The following HEATR5B variants were observed in gnomAD, a reference collection of about 807,000 sequenced individuals.
HEATR5B encodes HEAT repeat containing 5B.
A neutral mutation model predicts 224.1 loss-of-function variants in HEATR5B; 156 were observed. That is an observed-to-expected ratio of 0.70 (90% CI 0.61 to 0.80). The LOEUF (loss-of-function observed/expected upper bound fraction) is 0.80. HEATR5B is among the 30% of genes least tolerant of loss of function. The pLI is 0.00. For missense variants in HEATR5B, 2,323 were observed against 2,535.5 expected (o/e 0.92, Z 1.80); for synonymous variants, 1,027 against 893.0 (o/e 1.15, Z -2.68).
chr2:37,082,826 C>T (rs980464961), intron 2 of HEATR5B, among the ~76,000 whole-genome samples: 10 of 152,076 alleles, frequency 6.6e-5, no homozygotes, highest in African/African-American at 2.4e-4. Context: ...CTCTATATTT[C>T]TGTGTGTGTC....
At chr2:36,982,025 TAAA>T (rs3832130) in intron 35 of HEATR5B, among the ~76,000 whole-genome samples, 3 of 144,076 alleles carry the variant, frequency 2.1e-5, no homozygotes. Context: ...TTGCTTTACT[TAAA>T]AAAAAAAAAG....
chr2:37,039,032 G>A (rs955114140), intron 20 of HEATR5B, among the ~76,000 whole-genome samples: 7 of 151,920 alleles, frequency 4.6e-5, no homozygotes, highest in East Asian at 1.9e-4. Context: ...TAAGAATGCC[G>A]GTAACGGGCT....
At chr2:37,059,764 C>T (rs972719149) in intron 12 of HEATR5B, among the ~76,000 whole-genome samples, 3 of 151,902 alleles carry the variant, frequency 2.0e-5, no homozygotes, top group Non-Finnish European at 2.9e-5. Flanking sequence ...CCGGCCACTA[C>T]ATATATTTTT....
intron 27 of HEATR5B, among the ~76,000 whole-genome samples, chr2:37,012,451 C>T (rs1227833889): frequency 1.3e-5 from 2 of 151,942 alleles, no homozygotes; most frequent in South Asian, 2.1e-4. Context: ...AGTGCAATGG[C>T]GTGATCTTGG....
intron 17 of HEATR5B, among the ~76,000 whole-genome samples, chr2:37,052,996 G>A (rs1194604870): frequency 6.6e-6 from 1 of 152,196 alleles, no homozygotes; most frequent in Non-Finnish European, 1.5e-5. Context: ...AGATAAGGAA[G>A]GGACTACTGT....
In HEATR5B at chr2:37,002,290, C is replaced by T; in HGVS notation, c.5317+16G>A. On this transcript the variant is annotated intron_variant, in intron 32 of 35. Coordinates refer to ENST00000233099, the MANE Select transcript of HEATR5B (RefSeq NM_019024.3). ...CTGTAATATAATGCATTTCCAAATA[C>T]TGATCAATACCGTACCAGCGGGTGA... 1 of 1,613,852 alleles carries T rather than the reference C, an allele frequency of 6.2e-7. No individual in the cohort carries two copies. The highest frequency in any genetic ancestry group is 8.5e-7 in the Non-Finnish European group (1 of 1,179,742).
At chr2:37,051,961 A>T (rs190627609) in intron 17 of HEATR5B, among the ~76,000 whole-genome samples, 2 of 151,976 alleles carry the variant, frequency 1.3e-5, no homozygotes, top group Non-Finnish European at 2.9e-5. Context: ...GCTGGTCTCA[A>T]ACTCCTGACC....
chr2:37,072,082 G>T, intron 6 of HEATR5B, 28 bp downstream of exon 6: 1 of 1,584,418 alleles, frequency 6.3e-7, no homozygotes, highest in Non-Finnish European at 8.6e-7. Context: ...GGTCTGTTAT[G>T]GTCTAAATCA....
At chr2:36,995,949 G>C (rs1461974317) in intron 33 of HEATR5B, among the ~76,000 whole-genome samples, 4 of 152,060 alleles carry the variant, frequency 2.6e-5, no homozygotes, top group Non-Finnish European at 5.9e-5. Flanking sequence ...GCAGTGGTGC[G>C]ATCTGGGCTC....
At chr2:37,049,258 GA>G (rs918845616) in intron 18 of HEATR5B, among the ~76,000 whole-genome samples, 15 of 152,158 alleles carry the variant, frequency 9.9e-5, no homozygotes, top group Admixed American at 9.8e-4. Flanking sequence ...GCAGCAGTTA[GA>G]AAAAGAATGG....
chr2:37,077,551 G>A (rs1042913237), intron 3 of HEATR5B, among the ~76,000 whole-genome samples: 7 of 152,124 alleles, frequency 4.6e-5, no homozygotes, highest in Non-Finnish European at 8.8e-5. Flanking sequence ...CAGGTGATCC[G>A]CCTGCCTCGG....
At chr2:37,065,191 A>G (rs1339870035) in intron 9 of HEATR5B, among the ~76,000 whole-genome samples, 1 of 152,212 alleles carries the variant, frequency 6.6e-6, no homozygotes, top group East Asian at 1.9e-4. Context: ...ATTATATTCA[A>G]TATTGATGTA....
In HEATR5B at chr2:37,020,685, A is replaced by G. The variant is rs745844508; in HGVS notation, c.4005T>C (p.Gly1335=). 6.3e-7 allele frequency: 1 copy of G among 1,591,112 alleles called. No individual in the cohort carries two copies. The highest frequency in any genetic ancestry group is 8.5e-7 in the Non-Finnish European group (1 of 1,174,486). ...CCTGATACTGCTCCAGTATCACATG[A>G]CCTGGAAATTCTGGCTCAGGCACAG... is the stretch of plus-strand genomic sequence containing the variant. ...FASVPEPEFP[G]HVILEQYQAN... is the part of the protein sequence containing the mutation. Residue 1335 remains glycine (G), a synonymous_variant, in exon 25 of 36, where the codon GGT becomes GGC. Transcript: ENST00000233099.
At chr2:37,016,679 T>C (rs1668138250) in intron 26 of HEATR5B, among the ~76,000 whole-genome samples, 1 of 152,204 alleles carries the variant, frequency 6.6e-6, no homozygotes, top group African/African-American at 2.4e-5. Context: ...TGCTGCCAAA[T>C]AAATGATTAA....
At chr2:36,993,458 A>ACTC (rs1666472453) in intron 33 of HEATR5B, among the ~76,000 whole-genome samples, 1 of 151,872 alleles carries the variant, frequency 6.6e-6, no homozygotes, top group Admixed American at 6.6e-5. Context: ...AATTGCTTGA[A>ACTC]CATAGGAGGT....
intron 28 of HEATR5B, 45 bp downstream of exon 28, chr2:37,008,566 C>T: frequency 7.6e-7 from 1 of 1,313,782 alleles, no homozygotes. Context: ...TGTTTAACTA[C>T]TACTTTGAAC....
intron 24 of HEATR5B, among the ~76,000 whole-genome samples, chr2:37,026,485 G>T (rs1014483650): frequency 6.6e-6 from 1 of 152,052 alleles, no homozygotes; most frequent in African/African-American, 2.4e-5. Context: ...CTTCTGTGAC[G>T]TCTTCCCTGG....
intron 26 of HEATR5B, among the ~76,000 whole-genome samples, chr2:37,016,545 T>A (rs552437434): frequency 8.9e-4 from 135 of 152,262 alleles, no homozygotes; most frequent in African/African-American, 3.2e-3. Context: ...CAGCACCCCA[T>A]AATTAACACA....
chr2:37,016,864 C>T (rs1410804781), intron 26 of HEATR5B, among the ~76,000 whole-genome samples: 2 of 151,778 alleles, frequency 1.3e-5, no homozygotes, highest in Admixed American at 6.6e-5. Flanking sequence ...TGATTGTTAC[C>T]AATTAAGGAG....
Sources: gnomAD v4.1 joint callset for allele counts (sites outside exome capture counted in the v4.1 genomes callset) on GRCh38, gnomAD v4.1.1 for gene constraint, MANE v1.5 for transcripts, NCBI Gene and HGNC (gene_info 2026-07-23, HGNC 2026-07-21) for gene names.